Variants in CRPPA observed in about 807,000 individuals in gnomAD.
CRPPA encodes the protein D-ribitol-5-phosphate cytidylyltransferase.
Under a neutral mutation model 52.0 loss-of-function variants are expected in CRPPA, and 43 were observed. That is an observed-to-expected ratio of 0.83 (90% confidence interval 0.65 to 1.07). CRPPA has a LOEUF of 1.07. Among genes scored for constraint, CRPPA ranks in the 50% least tolerant of loss-of-function variants. The pLI is 0.00. For missense variants in CRPPA, 629 were observed against 551.7 expected (o/e 1.14, Z -1.40); for synonymous variants, 250 against 203.5 (o/e 1.23, Z -1.94).
intron 9 of CRPPA, among the ~76,000 whole-genome samples, chr7:16,198,814 C>A (rs1383401116): frequency 6.6e-6 from 1 of 151,576 alleles, no homozygotes; most frequent in Admixed American, 6.6e-5. Flanking sequence ...TCTGCCTCTG[C>A]CTCTGAAAAT....
intron 9 of CRPPA, among the ~76,000 whole-genome samples, chr7:16,215,491 A>C (rs1583436090): frequency 6.6e-6 from 1 of 152,366 alleles, no homozygotes; most frequent in South Asian, 2.1e-4. Flanking sequence ...GCAGCTATTA[A>C]AGACAGTGAC....
intron 9 of CRPPA, among the ~76,000 whole-genome samples, chr7:16,125,505 G>A (rs1782560656): frequency 6.6e-6 from 1 of 151,972 alleles, no homozygotes; most frequent in Non-Finnish European, 1.5e-5. Context: ...AATTCAATGA[G>A]TCAACTAGAG....
intron 6 of CRPPA, chr7:16,270,164 C>T (rs562784269): frequency 6.6e-6 from 1 of 152,176 alleles, no homozygotes; most frequent in African/African-American, 2.4e-5. Flanking sequence ...TTGGTGGTGG[C>T]TGGTTTCTGT....
intron 3 of CRPPA, among the ~76,000 whole-genome samples, chr7:16,332,038 T>C (rs1374963744): frequency 3.9e-5 from 6 of 152,172 alleles, no homozygotes; most frequent in Non-Finnish European, 1.5e-5. Flanking sequence ...AGGCATATTA[T>C]ACTCAAACTA....
chr7:16,194,837 T>G (rs1781695052), intron 9 of CRPPA, among the ~76,000 whole-genome samples: 1 of 108,796 alleles, frequency 9.2e-6, no homozygotes, highest in South Asian at 3.3e-4. Flanking sequence ...AACCTTGTTT[T>G]TGGTCTTTTG....
intron 9 of CRPPA, among the ~76,000 whole-genome samples, chr7:16,206,015 A>G (rs1781965018): frequency 1.3e-5 from 2 of 152,156 alleles, no homozygotes; most frequent in African/African-American, 4.8e-5. Context: ...CCTAACCAGT[A>G]GACAAGCAAG....
At chr7:16,382,505 A>T (rs559954250) in intron 2 of CRPPA, among the ~76,000 whole-genome samples, 1 of 151,912 alleles carries the variant, frequency 6.6e-6, no homozygotes, top group African/African-American at 2.4e-5. Flanking sequence ...TCTTTGTGGC[A>T]TTCTCTGTAT....
chr7:16,384,293 T>C (rs1787197810), intron 2 of CRPPA, among the ~76,000 whole-genome samples: 1 of 152,190 alleles, frequency 6.6e-6, no homozygotes, highest in Non-Finnish European at 1.5e-5. Flanking sequence ...CTAAGTGTAC[T>C]CTCAAAAGAG....
intron 9 of CRPPA, among the ~76,000 whole-genome samples, chr7:16,135,664 T>G (rs1782750736): frequency 6.6e-6 from 1 of 152,200 alleles, no homozygotes; most frequent in South Asian, 2.1e-4. Flanking sequence ...TATGCAACTT[T>G]ATCTGAAATC....
rs547193809 is a variant in CRPPA at position 16,201,926 on chromosome 7, T to C, written c.1251+14140A>G. ...CCAGTACCAGGTTGAATAGAAATGG[T>C]GATTATGGCCATTCTTTTCTTGCTC... On this transcript the variant is annotated intron_variant, in intron 9 of 9. Transcript: ENST00000407010. Among the ~76,000 whole-genome samples, 3 of 152,334 alleles carry C rather than the reference T, an allele frequency of 2.0e-5. No individual in the cohort carries two copies. The South Asian group carries it at 6.2e-4, about 32-fold the overall frequency.
intron 8 of CRPPA, among the ~76,000 whole-genome samples, chr7:16,245,018 T>G (rs1783230921): frequency 6.6e-6 from 1 of 152,110 alleles, no homozygotes; most frequent in Non-Finnish European, 1.5e-5. Context: ...TTTTCAAATT[T>G]TAAAGTTTTT....
chr7:16,319,953 G>A (rs1343006483), intron 3 of CRPPA, among the ~76,000 whole-genome samples: 1 of 152,100 alleles, frequency 6.6e-6, no homozygotes, highest in Non-Finnish European at 1.5e-5. Context: ...GTGCTGCTAG[G>A]TCCTGGACTT....
chr7:16,182,774 A>G (rs757535699), intron 9 of CRPPA, among the ~76,000 whole-genome samples: 2 of 152,156 alleles, frequency 1.3e-5, no homozygotes, highest in Non-Finnish European at 2.9e-5. Context: ...TTTAATTATG[A>G]CTTGTGCCAA....
At chr7:16,146,456 A>G (rs1278065895) in intron 9 of CRPPA, among the ~76,000 whole-genome samples, 1 of 152,196 alleles carries the variant, frequency 6.6e-6, no homozygotes, top group East Asian at 1.9e-4. Context: ...ACTGGTAAAG[A>G]TAAGTATATA....
At chr7:16,237,416 G>A (rs766549473) in intron 8 of CRPPA, 2 of 152,134 alleles carry the variant, frequency 1.3e-5, no homozygotes, top group Non-Finnish European at 2.9e-5. Flanking sequence ...CTCAGGTGGT[G>A]AGAACAAACC....
At chr7:16,094,422 T>G (rs1382896325) in intron 9 of CRPPA, among the ~76,000 whole-genome samples, 1 of 152,114 alleles carries the variant, frequency 6.6e-6, no homozygotes, top group African/African-American at 2.4e-5. Flanking sequence ...TAGAACAGTA[T>G]TAACACAGGA....
intron 9 of CRPPA, among the ~76,000 whole-genome samples, chr7:16,186,014 A>C (rs1271741315): frequency 2.0e-5 from 3 of 152,220 alleles, no homozygotes; most frequent in Admixed American, 1.3e-4. Context: ...AGCAGCTAAA[A>C]TAAATGATAA....
At chr7:16,109,912 C>A (rs555606365) in intron 9 of CRPPA, among the ~76,000 whole-genome samples, 59 of 152,116 alleles carry the variant, frequency 3.9e-4, no homozygotes, top group African/African-American at 1.3e-3. Context: ...CCCACACTTA[C>A]CACTTCTATT....
intron 5 of CRPPA, among the ~76,000 whole-genome samples, chr7:16,283,715 G>A (rs186710722): frequency 1.9e-4 from 29 of 151,548 alleles, no homozygotes; most frequent in Admixed American, 1.3e-3. Context: ...GCATTCAGTC[G>A]CCCATTGCAC....
Sources: allele counts gnomAD v4.1 joint callset (sites outside exome capture counted in the v4.1 genomes callset), GRCh38; gene constraint gnomAD v4.1.1; transcripts MANE v1.5; gene names NCBI Gene and HGNC (gene_info 2026-07-23, HGNC 2026-07-21).